The following LIMS2 variants were observed in gnomAD, a reference collection of about 807,000 sequenced individuals.
LIMS2 encodes LIM zinc finger domain containing 2, also known as LIM and senescent cell antigen-like-containing domain protein 2.
Under a neutral mutation model 45.3 loss-of-function variants are expected in LIMS2, and 30 were observed. That is an observed-to-expected ratio of 0.66 (90% CI 0.50 to 0.90). The LOEUF (loss-of-function observed/expected upper bound fraction) is 0.90. Among genes scored for constraint, LIMS2 ranks in the 40% least tolerant of loss-of-function variants. The pLI, the probability that LIMS2 is intolerant of heterozygous loss-of-function variation, is 0.00. For missense variants in LIMS2, 485 were observed against 468.7 expected, an observed-to-expected ratio of 1.03 and a Z score of -0.32; for synonymous variants, 173 against 188.0, an observed-to-expected ratio of 0.92 and a Z score of 0.65.
chr2:127,674,907 G>A (rs1427240820), intron 1 of LIMS2, 107 bp downstream of exon 1: 38 of 1,219,408 alleles, frequency 3.1e-5, no homozygotes, highest in Non-Finnish European at 3.8e-5. Context: ...CGCCAGGGCG[G>A]AGCGGGGATC....
At chr2:127,680,853 A>G (rs1243652470) in intron 1 of LIMS2, among the ~76,000 whole-genome samples, 1 of 152,044 alleles carries the variant, frequency 6.6e-6, no homozygotes, top group Non-Finnish European at 1.5e-5. Flanking sequence ...CCCCCACCAC[A>G]TATCCAGGAA....
chr2:127,655,974 G>C (rs561617421), intron 2 of LIMS2: 1 of 152,380 alleles, frequency 6.6e-6, no homozygotes, highest in East Asian at 1.9e-4. Context: ...AGTGTCCATG[G>C]TGTGAATATT....
intron 1 of LIMS2, among the ~76,000 whole-genome samples, chr2:127,669,632 C>T (rs973804372): frequency 7.2e-5 from 11 of 151,910 alleles, no homozygotes; most frequent in African/African-American, 1.9e-4. Flanking sequence ...GCAGAAGAAT[C>T]GCTTGAACCC....
At chr2:127,661,095 A>G (rs561617554) in intron 1 of LIMS2, among the ~76,000 whole-genome samples, 169 of 152,344 alleles carry the variant, frequency 1.1e-3, no homozygotes, top group African/African-American at 3.5e-3. Flanking sequence ...CAGCACCATG[A>G]GAGAACACGC....
rs201262532 is a variant in LIMS2, at chr2:127,641,032, G to A, written c.661-44C>T. The A allele has an allele frequency of 1.5e-3, 2,366 of 1,543,964 alleles. 18 individuals are homozygous for A. Among genetic ancestry groups the A allele is most frequent in the South Asian group, 0.01 (898 of 89,696 alleles). ...GGCCGGGTGGCATCAGGGCTAGAGC[G>A]GTGACCCCGAGGGACAGTGGTGACC... is the stretch of plus-strand genomic sequence containing the variant. On this transcript the variant is annotated intron_variant, in intron 6 of 9. Transcript: ENST00000355119.
chr2:127,642,328 G>T lies in LIMS2; in HGVS notation c.510-129C>A. The T allele has an allele frequency of 8.9e-7, 1 of 1,121,586 alleles. No homozygotes were observed. The allele number at this position is 1,121,586 out of a possible 1,614,324, so 69.5% of individuals were successfully genotyped here. ...GTCCCTGCAGAGCCGAGGCGGCAGC[G>T]CCTTCTGATCTCTGGGCACTTTGAA... On this transcript the variant is annotated intron_variant, in intron 5 of 9. Transcript: ENST00000355119. The surrounding 1 kb of genome is among the most constrained non-coding windows in gnomAD (Gnocchi z 5.3).
At chr2:127,641,396 C>T (rs1411238530) in intron 6 of LIMS2, 1 of 200,784 alleles carries the variant, frequency 5.0e-6, no homozygotes, top group Non-Finnish European at 1.0e-5. Context: ...CGTGGGGCCT[C>T]CTGCAGGCAC....
rs1209832377 is a variant in LIMS2, at chr2:127,667,317, AAAC to A, written c.11+7694_11+7696del. On this transcript the variant is annotated intron_variant, in intron 1 of 9. Coordinates refer to ENST00000355119, the MANE Select transcript of LIMS2 (RefSeq NM_001161403.3). This position sits in a 1 kb window ranked among gnomAD's most constrained non-coding sequence, Gnocchi z 4.1. ...AAAAGAGAAAAAAACAAAAAACAAAAAACAACAAACCTTCACAAAATCTTTCCA... is the reference window on the plus strand; with the variant it reads ...AAAAGAGAAAAAAACAAAAAACAAAAAACAAACCTTCACAAAATCTTTCCA... 6.6e-6 allele frequency among the ~76,000 whole-genome samples: 1 copy of A among 152,140 alleles called. No homozygotes were observed. The highest frequency in any genetic ancestry group is 1.5e-5 in the Non-Finnish European group (1 of 68,032).
chr2:127,668,675 A>AAAAAAAAC, intron 1 of LIMS2, among the ~76,000 whole-genome samples: 1 of 101,388 alleles, frequency 9.9e-6, no homozygotes, highest in Non-Finnish European at 2.0e-5. Flanking sequence ...TCTCAAAAAA[A>AAAAAAAAC]AAAAAAAAAA....
chr2:127,677,595 G>A (rs1237469384), upstream of LIMS2, among the ~76,000 whole-genome samples: 1 of 152,150 alleles, frequency 6.6e-6, no homozygotes, highest in Non-Finnish European at 1.5e-5. The surrounding 1 kb of genome is among the most constrained non-coding windows in gnomAD (Gnocchi z 5.0). Context: ...GGAAAAAGGG[G>A]AGGTGGCAGG....
At chr2:127,640,035 A>G (rs944036900) in intron 9 of LIMS2, 35 bp downstream of exon 9, 1 of 1,605,974 alleles carries the variant, frequency 6.2e-7, no homozygotes, top group Non-Finnish European at 8.5e-7. Context: ...AGCCCCCTCC[A>G]CCCTGAGCCC....
chr2:127,641,134 G>A, intron 6 of LIMS2, 146 bp from the exon 7 acceptor site: 2 of 635,656 alleles, frequency 3.1e-6, no homozygotes, highest in Non-Finnish European at 5.7e-6. Flanking sequence ...TGACAGAAGG[G>A]GACAGAAAGC....
In LIMS2 at chr2:127,639,260, G is replaced by C; in HGVS notation, c.*21C>G. 1 of 1,611,436 alleles carries C rather than the reference G, an allele frequency of 6.2e-7. No homozygotes were observed. The highest frequency in any genetic ancestry group is 8.5e-7 in the Non-Finnish European group (1 of 1,178,518). On this transcript the variant is annotated 3_prime_UTR_variant, in exon 10 of 10. Transcript: ENST00000355119. The stretch of plus-strand genomic sequence containing the variant: ...AGGGGAGAAGGCGGAGGGGCCGAGA[G>C]GCAGCTGCGCAAGAGGGCCTTCAGG...
intron 4 of LIMS2, chr2:127,652,679 G>A (rs1347674651): frequency 6.5e-6 from 1 of 154,076 alleles, no homozygotes; most frequent in East Asian, 1.9e-4. Context: ...GCGTTTCCCA[G>A]AACTTCTCTG....
intron 1 of LIMS2, 30 bp from the exon 2 acceptor site, chr2:127,657,592 A>G (rs1684350382): frequency 6.4e-7 from 1 of 1,570,876 alleles, no homozygotes; most frequent in Non-Finnish European, 8.6e-7. Flanking sequence ...GGAGTGAGTC[A>G]GAGCTGGTCA....
At chr2:127,656,337 T>A (rs549764607) in intron 2 of LIMS2, among the ~76,000 whole-genome samples, 3 of 152,068 alleles carry the variant, frequency 2.0e-5, no homozygotes, top group Admixed American at 2.0e-4. Context: ...CCCAGCCTCC[T>A]GGCCCAGCCT....
chr2:127,654,648 C>A, intron 3 of LIMS2, 104 bp from the exon 4 acceptor site: 2 of 1,559,358 alleles, frequency 1.3e-6, no homozygotes, highest in Non-Finnish European at 8.8e-7. Flanking sequence ...CTCTGCCTGG[C>A]CCATGGGCTC....
intron 1 of LIMS2, among the ~76,000 whole-genome samples, chr2:127,661,313 A>G (rs889916095): frequency 6.6e-6 from 1 of 152,222 alleles, no homozygotes; most frequent in Non-Finnish European, 1.5e-5. Context: ...AAGTGAATGA[A>G]TGGCACCCAC....
At chr2:127,660,937 C>T (rs1035244355) in intron 1 of LIMS2, among the ~76,000 whole-genome samples, 12 of 97,096 alleles carry the variant, frequency 1.2e-4, no homozygotes, top group East Asian at 5.1e-4. Context: ...GTGGGGGGGG[C>T]GGATGTGGGG....
Sources: gnomAD v4.1 joint callset for allele counts (sites outside exome capture counted in the v4.1 genomes callset) on GRCh38, gnomAD v4.1.1 for gene constraint, Gnocchi (gnomAD v3.1) non-coding constraint, MANE v1.5 for transcripts, NCBI Gene and HGNC (gene_info 2026-07-23, HGNC 2026-07-21) for gene names.